The following PCDH15 variants were observed in gnomAD, a reference collection of about 807,000 sequenced individuals.
PCDH15 encodes protocadherin related 15.
A neutral mutation model predicts 178.5 loss-of-function variants in PCDH15; 129 were observed. The observed-to-expected ratio is 0.72, with a 90% CI of 0.63 to 0.84. PCDH15 has a LOEUF of 0.84. Among genes scored for constraint, PCDH15 ranks in the 40% least tolerant of loss-of-function variants. The pLI, the probability that PCDH15 is intolerant of heterozygous loss-of-function variation, is 0.00. For synonymous variants in PCDH15, 800 were observed against 732.0 expected (o/e 1.09, Z -1.50); for missense variants, 2,230 against 2,099.9 (o/e 1.06, Z -1.21).
At chr10:54,347,081 C>T (rs546649526) in intron 5 of PCDH15, among the ~76,000 whole-genome samples, 1 of 152,202 alleles carries the variant, frequency 6.6e-6, no homozygotes, top group East Asian at 1.9e-4. Context: ...ATTAAAACAT[C>T]AGAACTTAAT....
intron 3 of PCDH15, among the ~76,000 whole-genome samples, chr10:54,517,784 A>G (rs2138045615): frequency 6.6e-6 from 1 of 152,310 alleles, no homozygotes; most frequent in African/African-American, 2.4e-5. Flanking sequence ...CACCACACCT[A>G]TTCCAAAATT....
At chr10:54,168,805 T>A (rs376217739) in intron 13 of PCDH15, among the ~76,000 whole-genome samples, 42 of 149,898 alleles carry the variant, frequency 2.8e-4, no homozygotes, top group African/African-American at 1.0e-3. Context: ...AATCTGCTCC[T>A]GACATTAAAT....
chr10:55,440,290 A>G (rs1839148674), intron 2 of PCDH15, among the ~76,000 whole-genome samples: 1 of 152,202 alleles, frequency 6.6e-6, no homozygotes, highest in Admixed American at 6.6e-5. Flanking sequence ...AATAAATAAA[A>G]GGAGAACAGA....
chr10:54,189,253 A>G (rs1039737464), intron 11 of PCDH15: 1 of 742,344 alleles, frequency 1.3e-6, no homozygotes, highest in East Asian at 2.8e-5. Context: ...ATATCCTTAT[A>G]AGGGATAATG....
intron 2 of PCDH15, among the ~76,000 whole-genome samples, chr10:54,594,850 T>C (rs915298612): frequency 1.3e-5 from 2 of 152,144 alleles, no homozygotes. Flanking sequence ...CCACCACCAG[T>C]GCTCCACTCC....
At chr10:54,406,676 A>G (rs1406721422) in intron 3 of PCDH15, among the ~76,000 whole-genome samples, 1 of 152,138 alleles carries the variant, frequency 6.6e-6, no homozygotes, top group East Asian at 1.9e-4. Flanking sequence ...AACCTTTGTA[A>G]CACATGATGC....
chr10:54,641,708 T>C (rs2093993168), intron 2 of PCDH15, among the ~76,000 whole-genome samples: 1 of 125,796 alleles, frequency 7.9e-6, no homozygotes, highest in Non-Finnish European at 1.9e-5. Context: ...TACTATTATC[T>C]CTCCGTTGGA....
chr10:54,028,904 A>G (rs1224064584), intron 18 of PCDH15, among the ~76,000 whole-genome samples: 4 of 150,748 alleles, frequency 2.7e-5, no homozygotes. Context: ...TAACCTGCAC[A>G]ATGTGCACAT....
chr10:54,926,252 T>C (rs1055683618), intron 2 of PCDH15, among the ~76,000 whole-genome samples: 1 of 152,150 alleles, frequency 6.6e-6, no homozygotes, highest in Non-Finnish European at 1.5e-5. Flanking sequence ...CTTACATGTA[T>C]TGATTTGAGT....
In PCDH15 at chr10:55,253,764, A is replaced by C. The variant is rs552051156; in HGVS notation, c.-156+65835T>G. Among the ~76,000 whole-genome samples, 11 of 152,318 alleles carry C rather than the reference A, an allele frequency of 7.2e-5. No individual in the cohort carries two copies. The South Asian group carries it at 1.9e-3, about 26-fold the overall frequency. Reference sequence around the variant, plus strand: ...ATACAGTTTGTGGCTACATTTGTAAAATGGGTAAAAATTAAAGCATTTCAC... The same window carrying C: ...ATACAGTTTGTGGCTACATTTGTAACATGGGTAAAAATTAAAGCATTTCAC... On this transcript the variant is annotated intron_variant, in intron 1 of 5. Coordinates refer to the PCDH15 transcript ENST00000458638.
intron 18 of PCDH15, among the ~76,000 whole-genome samples, chr10:54,038,565 C>T (rs1023517886): frequency 3.3e-5 from 5 of 151,878 alleles, no homozygotes; most frequent in Admixed American, 3.3e-4. Context: ...GCATTTTACA[C>T]TCAGGCATCA....
intron 1 of PCDH15, among the ~76,000 whole-genome samples, chr10:54,779,429 CATATGTGTATATATATATACACTCAT>C (rs1950057689): frequency 1.0e-5 from 1 of 99,686 alleles, no homozygotes; most frequent in Non-Finnish European, 2.2e-5. Flanking sequence ...TATACACACA[CATATGTGTATATATATATACACTCAT>C]ATATGTGTGT....
At chr10:53,863,263 G>A (rs2079217044) in intron 27 of PCDH15, among the ~76,000 whole-genome samples, 1 of 152,132 alleles carries the variant, frequency 6.6e-6, no homozygotes, top group Non-Finnish European at 1.5e-5. Flanking sequence ...TTTAATGTCT[G>A]AGCCCTGAGA....
intron 1 of PCDH15, among the ~76,000 whole-genome samples, chr10:55,251,848 T>C (rs534863359): frequency 6.0e-4 from 91 of 152,196 alleles, no homozygotes; most frequent in African/African-American, 2.1e-3. Context: ...CCAAAGACAG[T>C]GAGTAGGACA....
intron 11 of PCDH15, among the ~76,000 whole-genome samples, chr10:54,192,392 T>C (rs12242300): frequency 0.23 from 35,095 of 151,914 alleles, 6,079 homozygotes; most frequent in African/African-American, 0.49. Context: ...GGGTGGTGGT[T>C]ATAAGGATAG....
chr10:55,197,248 C>T (rs989677930), intron 1 of PCDH15, among the ~76,000 whole-genome samples: 6 of 152,050 alleles, frequency 3.9e-5, no homozygotes, highest in African/African-American at 7.2e-5. Context: ...AAATTGAAAA[C>T]GTTTCCTTAC....
intron 23 of PCDH15, among the ~76,000 whole-genome samples, chr10:53,945,962 C>T (rs1225111416): frequency 6.7e-6 from 1 of 149,576 alleles, no homozygotes; most frequent in Non-Finnish European, 1.5e-5. Flanking sequence ...CTGCAATAAT[C>T]ATGGGAGTGC....
In PCDH15 at chr10:54,020,348, A is replaced by T; in HGVS notation, c.2595T>A (p.Phe865Leu). The T allele has an allele frequency of 6.2e-7, 1 of 1,613,840 alleles. No homozygotes were observed. Among genetic ancestry groups the T allele is most frequent in the Non-Finnish European group, 8.5e-7 (1 of 1,179,822 alleles). ...GTTCTCCTGTAAATGGATGTAGTGC[A>T]AAAAAGTGCTTCACTTCTGGGCTTC... is the stretch of plus-strand genomic sequence containing the variant. The part of the protein sequence containing the change: ...RIRSPEVKHF[F>L]ALHPFTGELS... The change falls in exon 20 of 38, where the codon TTT becomes TTA. Residue 865 changes from phenylalanine (F) to leucine (L), a missense_variant. Phe to Leu is a conservative substitution (Grantham distance 22, BLOSUM62 0). Transcript: ENST00000644397.
intron 2 of PCDH15, among the ~76,000 whole-genome samples, chr10:54,643,131 G>T (rs2094031762): frequency 6.6e-6 from 1 of 152,006 alleles, no homozygotes. Flanking sequence ...CACCATGTTG[G>T]CCAGGCTGGT....
Sources: gnomAD v4.1 joint callset for allele counts (sites outside exome capture counted in the v4.1 genomes callset) on GRCh38, gnomAD v4.1.1 for gene constraint, MANE v1.5 for transcripts, NCBI Gene and HGNC (gene_info 2026-07-23, HGNC 2026-07-21) for gene names.